The following GPNMB variants were observed in gnomAD, a reference collection of about 807,000 sequenced individuals.
GPNMB encodes transmembrane glycoprotein NMB.
A neutral mutation model predicts 57.3 loss-of-function variants in GPNMB; 71 were observed. The observed-to-expected ratio is 1.24, with a 90% CI of 1.02 to 1.51. GPNMB has a LOEUF of 1.51. Ranked by LOEUF, GPNMB falls within the 40% of genes most tolerant of loss-of-function variation. GPNMB has a pLI of 0.00. For missense variants in GPNMB, 677 were observed against 691.9 expected (o/e 0.98, Z 0.24); for synonymous variants, 253 against 263.2 (o/e 0.96, Z 0.38).
At chr7:23,251,282 C>T (rs1214918808) in intron 1 of GPNMB, among the ~76,000 whole-genome samples, 3 of 152,318 alleles carry the variant, frequency 2.0e-5, no homozygotes, top group South Asian at 2.1e-4. Flanking sequence ...AATATGGCTT[C>T]TCTGAGCACC....
intron 9 of GPNMB, 49 bp from the exon 10 acceptor site, chr7:23,273,472 G>A: frequency 8.4e-7 from 1 of 1,185,060 alleles, no homozygotes; most frequent in Non-Finnish European, 1.3e-6. Flanking sequence ...TAAGCGGCAT[G>A]TCCTCTAGGT....
chr7:23,260,749 C>T lies in GPNMB; in HGVS notation c.994C>T (p.Pro332Ser), dbSNP rs143285393. The T allele has an allele frequency of 1.9e-6, 3 of 1,559,490 alleles. No homozygotes were observed. The highest frequency in any genetic ancestry group is 1.4e-5 in the African/African-American group (1 of 72,954). ...TCCGCCACCGCCACCACCACCCAGA[C>T]CTTCAAAACCCACCCCTTCTTTAGG... ...PCPPPPPPPRPSKPTPSLGPA... is the reference protein window; with the variant it reads ...PCPPPPPPPRSSKPTPSLGPA... The change falls in exon 6 of 11, where the codon CCT (proline) becomes TCT (serine). Residue 332 changes from proline (P) to serine (S), a missense_variant. Transcript: ENST00000258733.
intron 6 of GPNMB, among the ~76,000 whole-genome samples, chr7:23,261,584 G>A (rs1445353274): frequency 6.6e-6 from 1 of 152,008 alleles, no homozygotes; most frequent in Non-Finnish European, 1.5e-5. Context: ...TGAACAATGA[G>A]AACACTTGGA....
At chr7:23,270,897 G>C (rs1038076342) in intron 9 of GPNMB, among the ~76,000 whole-genome samples, 4 of 152,204 alleles carry the variant, frequency 2.6e-5, no homozygotes, top group Non-Finnish European at 1.5e-5. Flanking sequence ...GACTGTCACT[G>C]ATAATCAACT....
At chr7:23,251,917 C>T (rs961924336) in intron 1 of GPNMB, among the ~76,000 whole-genome samples, 9 of 152,126 alleles carry the variant, frequency 5.9e-5, no homozygotes, top group East Asian at 1.9e-4. Context: ...GGCGTGCAGG[C>T]GGGAAACAGC....
Position 23,260,599 on chromosome 7 carries a change from A to C in GPNMB, c.844A>C (p.Lys282Gln), listed in dbSNP as rs137918756. 6.2e-7 allele frequency: 1 copy of C among 1,614,060 alleles called. No individual in the cohort carries two copies. Among genetic ancestry groups the C allele is most frequent in the African/African-American group, 1.3e-5 (1 of 75,020 alleles). The change falls in exon 6 of 11, where the codon AAG (lysine) becomes CAG (glutamine). Residue 282 changes from lysine (K) to glutamine (Q), a missense_variant. By Grantham distance (53) the Lys-to-Gln change is moderately conservative. Transcript: ENST00000258733. ...HFLNYSTINY[K>Q]WSFGDNTGLF... ...CCTCAATTATTCTACCATTAACTAC[A>C]AGTGGAGCTTCGGGGATAATACTGG... is the stretch of plus-strand genomic sequence containing the variant.
intron 4 of GPNMB, 71 bp downstream of exon 4, chr7:23,257,136 C>G (rs769839213): frequency 1.5e-6 from 2 of 1,300,952 alleles, no homozygotes; most frequent in South Asian, 2.4e-5. Flanking sequence ...TTTTCTTACT[C>G]TATAATTGAG....
At position 23,266,530 on chromosome 7, in the gene GPNMB, C is replaced by A. The variant is rs191551544; in HGVS notation, c.1032C>A (p.Asp344Glu). ...CAAACACCCCAGGACCTGCTGGTGA[C>A]AACCCCCTGGAGCTGAGTAGGATTC... ...KPTPSLGPAG[D>E]NPLELSRIPD... Residue 344 changes from aspartate (D) to glutamate (E), a missense_variant, in exon 7 of 11, where the codon GAC becomes GAA. Transcript: ENST00000258733. 8 of 1,613,182 alleles carry A rather than the reference C, an allele frequency of 5.0e-6. No individual in the cohort carries two copies. The Admixed American group carries it at 1.3e-4, about 27-fold the overall frequency.
chr7:23,265,576 T>C (rs111754448), intron 6 of GPNMB, among the ~76,000 whole-genome samples: 1 of 152,102 alleles, frequency 6.6e-6, no homozygotes, highest in African/African-American at 2.4e-5. Context: ...AGTAAGACTT[T>C]TAGAATTTAA....
chr7:23,261,278 T>C (rs1782916100), intron 6 of GPNMB, among the ~76,000 whole-genome samples: 1 of 152,138 alleles, frequency 6.6e-6, no homozygotes, highest in South Asian at 2.1e-4. Context: ...AGCTTGAGAG[T>C]ATGTCTGGGT....
chr7:23,272,360 T>G (rs530495550), intron 9 of GPNMB, among the ~76,000 whole-genome samples: 1 of 152,198 alleles, frequency 6.6e-6, no homozygotes, highest in Non-Finnish European at 1.5e-5. Context: ...CCAGGCACAG[T>G]GGAACATACC....
intron 6 of GPNMB, among the ~76,000 whole-genome samples, chr7:23,263,560 C>T (rs181267504): frequency 7.3e-4 from 108 of 148,076 alleles, no homozygotes; most frequent in Non-Finnish European, 1.3e-3. Flanking sequence ...TGCAGTGAGC[C>T]GAGATCGCGC....
At position 23,266,499 on chromosome 7, in the gene GPNMB, A is replaced by G. The variant is rs1367225319; in HGVS notation, c.1019-18A>G. The stretch of plus-strand genomic sequence containing the variant: ...TTCGTAGCAACTACTCTAAAATCTT[A>G]TGATTCAAACACCCCAGGACCTGCT... On this transcript the variant is annotated intron_variant, in intron 6 of 10. Transcript: ENST00000258733. 1 of 1,610,120 alleles carries G rather than the reference A, an allele frequency of 6.2e-7. No individual in the cohort carries two copies. Among genetic ancestry groups the G allele is most frequent in the Non-Finnish European group, 8.5e-7 (1 of 1,178,072 alleles).
In GPNMB at chr7:23,262,608, C is replaced by CTTTT. The variant is rs58011121; in HGVS notation, c.1018+1860_1018+1863dup. On this transcript the variant is annotated intron_variant, in intron 6 of 10. Coordinates refer to ENST00000258733, the MANE Select transcript of GPNMB (RefSeq NM_002510.3). ...GTACTGTCATTTATTTCACCATTCTCTTTTTTTTTTTTTTTTTTTTTTTTT... is the reference window on the plus strand; with the variant it reads ...GTACTGTCATTTATTTCACCATTCTCTTTTTTTTTTTTTTTTTTTTTTTTTTTTT... Among the ~76,000 whole-genome samples the CTTTT allele has an allele frequency of 4.0e-4, 25 of 62,850 alleles. 2 individuals carry two copies. The highest frequency in any genetic ancestry group is 1.2e-3 in the East Asian group (2 of 1,622). The allele number at this position is 62,850 out of a possible 152,430, so 41.2% of individuals were successfully genotyped here. A position where few individuals can be genotyped will look rare whatever the true frequency, so the allele number is the denominator to read the frequency against.
At chr7:23,273,834 A>T in intron 10 of GPNMB, 1 of 585,422 alleles carries the variant, frequency 1.7e-6, no homozygotes, top group Non-Finnish European at 3.0e-6. Flanking sequence ...ACTTTACAAA[A>T]TTATGTCAAC....
At chr7:23,258,504 C>T (rs1451811311) in intron 4 of GPNMB, among the ~76,000 whole-genome samples, 2 of 152,204 alleles carry the variant, frequency 1.3e-5, no homozygotes, top group Admixed American at 1.3e-4. Context: ...CATGGAGTCA[C>T]TTATGTTCAC....
intron 4 of GPNMB, chr7:23,257,582 G>C (rs1782812152): frequency 6.3e-6 from 1 of 158,928 alleles, no homozygotes; most frequent in Non-Finnish European, 1.4e-5. Context: ...TGAGGCAGGA[G>C]AATCACTTGA....
rs189581730 is a variant in GPNMB at position 23,260,132 on chromosome 7, G to T, written c.694G>T (p.Val232Leu). The T allele has an allele frequency of 6.2e-7, 1 of 1,613,904 alleles. No homozygotes were observed. Residue 232 changes from valine (V) to leucine (L), a missense_variant, in exon 5 of 11, where the codon GTA becomes TTA. Coordinates refer to ENST00000258733, the MANE Select transcript of GPNMB (RefSeq NM_002510.3). Reference protein sequence around the residue: ...PIAQVKDVYVVTDQIPVFVTM... With the variant: ...PIAQVKDVYVLTDQIPVFVTM... ...CGCACAAGTGAAAGATGTGTACGTG[G>T]TAACAGGTGAGTGGTGTGAACTCTA...
chr7:23,266,287 A>T, intron 6 of GPNMB: 1 of 525,518 alleles, frequency 1.9e-6, no homozygotes, highest in Non-Finnish European at 3.4e-6. Context: ...TTCACACAAA[A>T]TGTGGGATTA....
Sources: gnomAD v4.1 joint callset for allele counts (sites outside exome capture counted in the v4.1 genomes callset) on GRCh38, gnomAD v4.1.1 for gene constraint, MANE v1.5 for transcripts, NCBI Gene and HGNC (gene_info 2026-07-23, HGNC 2026-07-21) for gene names.